The following EVC2 variants were observed in gnomAD, a reference collection of about 807,000 sequenced individuals.
The protein encoded by EVC2 is EvC ciliary complex subunit 2, also known as limbin.
In EVC2, 148 loss-of-function variants were observed where a neutral mutation model predicts 149.3. The observed-to-expected ratio is 0.99, with a 90% CI of 0.87 to 1.14. The LOEUF (loss-of-function observed/expected upper bound fraction) is 1.14. Ranked by LOEUF, EVC2 falls within the 50% of genes most tolerant of loss-of-function variation. The pLI, the probability that EVC2 is intolerant of heterozygous loss-of-function variation, is 0.00. For synonymous variants in EVC2, 776 were observed against 649.9 expected (o/e 1.19, Z -2.95); for missense variants, 1,854 against 1,627.3 (o/e 1.14, Z -2.40).
intron 11 of EVC2, among the ~76,000 whole-genome samples, chr4:5,630,201 T>C (rs1249409777): frequency 6.6e-6 from 1 of 152,168 alleles, no homozygotes. Context: ...CTTCTGGGAA[T>C]GGGAGGCTTG....
At chr4:5,665,185 C>G (rs11931799) in intron 8 of EVC2, among the ~76,000 whole-genome samples, 3,059 of 152,180 alleles carry the variant, frequency 0.02, 104 homozygotes, top group African/African-American at 0.069. Context: ...TGGTGTGTAG[C>G]TGCAGTCCCA....
At chr4:5,571,775 C>A (rs1722657401) in intron 19 of EVC2, among the ~76,000 whole-genome samples, 1 of 152,166 alleles carries the variant, frequency 6.6e-6, no homozygotes, top group African/African-American at 2.4e-5. Context: ...TTGAGCATTC[C>A]TCTTGTTGTT....
At chr4:5,573,203 G>T (rs1722735446) in intron 19 of EVC2, among the ~76,000 whole-genome samples, 1 of 152,196 alleles carries the variant, frequency 6.6e-6, no homozygotes, top group African/African-American at 2.4e-5. Context: ...CCTGGGACCT[G>T]CGAAGATGTC....
intron 9 of EVC2, among the ~76,000 whole-genome samples, chr4:5,641,197 T>C (rs373620840): frequency 2.0e-4 from 31 of 152,292 alleles, no homozygotes; most frequent in African/African-American, 7.5e-4. Context: ...CCATTAAAAA[T>C]CAATTTATGG....
downstream of EVC2, among the ~76,000 whole-genome samples, chr4:5,539,776 A>AC (rs1560114284): frequency 2.9e-3 from 434 of 150,378 alleles, 6 homozygotes; most frequent in South Asian, 0.023. Flanking sequence ...ATACTACAAA[A>AC]ACACACACAC....
In EVC2 at chr4:5,696,703, C is replaced by T. The variant is rs1721499289; in HGVS notation, c.283+890G>A. 6.6e-6 allele frequency among the ~76,000 whole-genome samples: 1 copy of T among 152,186 alleles called. No homozygotes were observed. The highest frequency in any genetic ancestry group is 1.5e-5 in the Non-Finnish European group (1 of 68,040). ...GCAGAGCCGTAGGAGCATTGAGAAC[C>T]TTGTGCTCCTGGGTCCAGCAGTGCC... On this transcript the variant is annotated intron_variant, in intron 2 of 21. Coordinates refer to ENST00000344408, the MANE Select transcript of EVC2 (RefSeq NM_147127.5). This position sits in a 1 kb window ranked among gnomAD's most constrained non-coding sequence, Gnocchi z 4.1.
intron 12 of EVC2, among the ~76,000 whole-genome samples, chr4:5,628,246 C>G (rs904358173): frequency 6.6e-6 from 1 of 151,944 alleles, no homozygotes; most frequent in African/African-American, 2.4e-5. Context: ...TATTAAGAGA[C>G]GGGACCTTTA....
intron 10 of EVC2, among the ~76,000 whole-genome samples, chr4:5,639,876 A>AT (rs976051534): frequency 2.6e-5 from 4 of 152,162 alleles, no homozygotes; most frequent in Non-Finnish European, 5.9e-5. Context: ...ACGTGAACTG[A>AT]TTTTTTTATA....
Position 5,625,063 on chromosome 4 carries a change from C to T in EVC2, c.2046+686G>A, listed in dbSNP as rs537006725. Among the ~76,000 whole-genome samples, 2 of 152,186 alleles carry T rather than the reference C, an allele frequency of 1.3e-5. No homozygotes were observed. Among genetic ancestry groups the T allele is most frequent in the Admixed American group, 1.3e-4 (2 of 15,280 alleles). The stretch of plus-strand genomic sequence containing the variant: ...CCTCAACTCCATCTGACATGGTGCT[C>T]ACCTCAGCTTCCTAAATCACAGATC... On this transcript the variant is annotated intron_variant, in intron 13 of 21. Coordinates refer to ENST00000344408, the MANE Select transcript of EVC2 (RefSeq NM_147127.5). This position sits in a 1 kb window ranked among gnomAD's most constrained non-coding sequence, Gnocchi z 4.0.
At chr4:5,583,730 T>C (rs1275756092) in intron 17 of EVC2, among the ~76,000 whole-genome samples, 1 of 151,192 alleles carries the variant, frequency 6.6e-6, no homozygotes, top group Non-Finnish European at 1.5e-5. Flanking sequence ...TTTATATTTT[T>C]TAATGGTTGC....
At chr4:5,565,494 A>G in intron 20 of EVC2, 135 bp from the exon 21 acceptor site, 1 of 728,538 alleles carries the variant, frequency 1.4e-6, no homozygotes, top group Admixed American at 2.1e-5. Context: ...AACATGGTGA[A>G]ACCCAGTCTC....
rs115682546 is a variant in EVC2 at position 5,650,410 on chromosome 4, C to G, written c.1146-9572G>C. Reference sequence around the variant, plus strand: ...ATTTCATTATGTTTGGAAGCATGGGCTTGGAAGTCACATTAACTTAGCTTC... The same window carrying G: ...ATTTCATTATGTTTGGAAGCATGGGGTTGGAAGTCACATTAACTTAGCTTC... On this transcript the variant is annotated intron_variant, in intron 9 of 21. Transcript: ENST00000344408. Among the ~76,000 whole-genome samples the G allele has an allele frequency of 8.3e-3, 1,254 of 151,996 alleles. 10 individuals are homozygous for G. The highest frequency in any genetic ancestry group is 0.031 in the Middle Eastern group (9 of 294).
Position 5,568,148 on chromosome 4 carries a change from G to A in EVC2, c.3557+296C>T, listed in dbSNP as rs116824914. ...CCCAGCAGAGAAACACATTCTGGAG[G>A]AAGAAATGTAACAGGATGCTAGCAG... On this transcript the variant is annotated intron_variant, in intron 20 of 21. Coordinates refer to ENST00000344408, the MANE Select transcript of EVC2 (RefSeq NM_147127.5). Among the ~76,000 whole-genome samples the A allele has an allele frequency of 5.1e-3, 779 of 152,220 alleles. 10 individuals are homozygous for A. The highest frequency in any genetic ancestry group is 0.018 in the African/African-American group (733 of 41,536).
At chr4:5,585,415 C>T (rs975487561) in intron 16 of EVC2, among the ~76,000 whole-genome samples, 1 of 152,190 alleles carries the variant, frequency 6.6e-6, no homozygotes, top group Non-Finnish European at 1.5e-5. Context: ...ATAGTTTCCA[C>T]GGAAGCGGTC....
chr4:5,590,012 A>C (rs1712643488), intron 16 of EVC2, among the ~76,000 whole-genome samples: 1 of 152,140 alleles, frequency 6.6e-6, no homozygotes, highest in South Asian at 2.1e-4. Context: ...AAGTCATGAC[A>C]ATATTGGCAT....
In EVC2 at chr4:5,640,907, G is replaced by T; in HGVS notation, c.1146-69C>A. 6.4e-7 allele frequency: 1 copy of T among 1,573,278 alleles called. No homozygotes were observed. The highest frequency in any genetic ancestry group is 8.7e-7 in the Non-Finnish European group (1 of 1,146,162). On this transcript the variant is annotated intron_variant, in intron 9 of 21. Coordinates refer to ENST00000344408, the MANE Select transcript of EVC2 (RefSeq NM_147127.5). The surrounding 1 kb of genome is among the most constrained non-coding windows in gnomAD (Gnocchi z 4.6). ...CAACAGAAACCAAAGGTCTTTCAAA[G>T]CTCTGAGGTTTTCATTTATGTGTAG...
chr4:5,546,060 A>G (rs1721610345), intron 21 of EVC2, among the ~76,000 whole-genome samples: 1 of 152,172 alleles, frequency 6.6e-6, no homozygotes. Context: ...AAAGTCAGGA[A>G]ACAACAGGTG....
intron 7 of EVC2, among the ~76,000 whole-genome samples, chr4:5,674,582 G>A (rs932387750): frequency 5.9e-5 from 9 of 152,174 alleles, no homozygotes; most frequent in African/African-American, 1.9e-4. Flanking sequence ...CCAGGGGAGG[G>A]CTCGGGCATC....
intron 10 of EVC2, among the ~76,000 whole-genome samples, chr4:5,638,613 CA>C (rs150694050): frequency 6.6e-6 from 1 of 151,872 alleles, no homozygotes; most frequent in Non-Finnish European, 1.5e-5. Context: ...TCCCACCCCC[CA>C]AAAAAGATAT....
Sources: allele counts gnomAD v4.1 joint callset (sites outside exome capture counted in the v4.1 genomes callset), GRCh38; gene constraint gnomAD v4.1.1; non-coding constraint Gnocchi (gnomAD v3.1); transcripts MANE v1.5; gene names NCBI Gene and HGNC (gene_info 2026-07-23, HGNC 2026-07-21).